PTPN4: variants seen among roughly 807,000 people sequenced by gnomAD.
The protein encoded by PTPN4 is protein tyrosine phosphatase non-receptor type 4.
In PTPN4, 49 loss-of-function variants were observed where a neutral mutation model predicts 135.5. That is an observed-to-expected ratio of 0.36 (90% CI 0.29 to 0.46). PTPN4 has a LOEUF of 0.46. PTPN4 is among the 20% of genes least tolerant of loss of function. The pLI is 1.00. For missense variants in PTPN4, 860 were observed against 1,101.0 expected, an observed-to-expected ratio of 0.78 and a Z score of 3.10; for synonymous variants, 333 against 369.9, an observed-to-expected ratio of 0.90 and a Z score of 1.14.
In PTPN4 at chr2:119,945,258, A is replaced by G. The variant is rs1040459245; in HGVS notation, c.1515+18A>G. Reference sequence around the variant, plus strand: ...AACCCACTGTAAGTAGCTTCTTCAGATATTCTCATTTTTATTTGAATTTTT... The same window carrying G: ...AACCCACTGTAAGTAGCTTCTTCAGGTATTCTCATTTTTATTTGAATTTTT... On this transcript the variant is annotated intron_variant, in intron 16 of 26. Transcript: ENST00000263708. The G allele has an allele frequency of 2.0e-6, 3 of 1,500,156 alleles. No individual in the cohort carries two copies. Among genetic ancestry groups the G allele is most frequent in the South Asian group, 1.4e-5 (1 of 73,576 alleles). The allele number at this position is 1,500,156 out of a possible 1,614,324, so 92.9% of individuals were successfully genotyped here.
rs774328803 is a variant in PTPN4 at position 119,862,524 on chromosome 2, T to G, written c.139-12T>G. 1 of 1,588,864 alleles carries G rather than the reference T, an allele frequency of 6.3e-7. No individual in the cohort carries two copies. Among genetic ancestry groups the G allele is most frequent in the South Asian group, 1.2e-5 (1 of 86,404 alleles). ...AAAGTTGATTTCATTCAATTTTTTT[T>G]TTTTTTTACAGAAACATGATCAGGG... On this transcript the variant is annotated splice_polypyrimidine_tract_variant and intron_variant, in intron 2 of 26. Coordinates refer to ENST00000263708, the MANE Select transcript of PTPN4 (RefSeq NM_002830.4).
intron 2 of PTPN4, among the ~76,000 whole-genome samples, chr2:119,819,257 T>C (rs1019785764): frequency 2.0e-5 from 3 of 152,188 alleles, no homozygotes; most frequent in Admixed American, 6.5e-5. Flanking sequence ...CATAGCCCTG[T>C]GTTGGTTGGT....
chr2:119,807,069 C>T (rs559976750), intron 1 of PTPN4, among the ~76,000 whole-genome samples: 7 of 152,044 alleles, frequency 4.6e-5, no homozygotes, highest in East Asian at 3.9e-4. Flanking sequence ...TCTGGGACAA[C>T]TTAAAGCAGT....
chr2:119,960,288 C>T (rs1035443001), intron 22 of PTPN4, among the ~76,000 whole-genome samples: 4 of 152,134 alleles, frequency 2.6e-5, no homozygotes, highest in Non-Finnish European at 5.9e-5. Context: ...ACTATCTTAC[C>T]TCTTTCTGAA....
chr2:119,952,241 A>C, intron 19 of PTPN4, 112 bp downstream of exon 19: 4 of 1,000,626 alleles, frequency 4.0e-6, no homozygotes, highest in Non-Finnish European at 5.7e-6. Flanking sequence ...TTTCCTGCTC[A>C]AAGCACAGTG....
chr2:119,798,957 C>T (rs1340200023), intron 1 of PTPN4, among the ~76,000 whole-genome samples: 10 of 152,134 alleles, frequency 6.6e-5, no homozygotes, highest in South Asian at 2.1e-4. Context: ...GTTGATATAT[C>T]GTTATGATTG....
intron 1 of PTPN4, among the ~76,000 whole-genome samples, chr2:119,800,704 A>G (rs1414650696): frequency 6.6e-6 from 1 of 152,170 alleles, no homozygotes; most frequent in Non-Finnish European, 1.5e-5. Flanking sequence ...TAGGTTTTAC[A>G]TTTAAATCTG....
intron 13 of PTPN4, among the ~76,000 whole-genome samples, chr2:119,927,629 A>G (rs1678845339): frequency 6.6e-6 from 1 of 152,218 alleles, no homozygotes; most frequent in Non-Finnish European, 1.5e-5. Context: ...AACGTTTTGT[A>G]GGCAGAACTA....
At chr2:119,936,112 C>T (rs1425630846) in intron 15 of PTPN4, among the ~76,000 whole-genome samples, 2 of 152,072 alleles carry the variant, frequency 1.3e-5, no homozygotes, top group Non-Finnish European at 2.9e-5. Context: ...ACGCCATTCT[C>T]CTGCCTCAAC....
At chr2:119,784,844 C>G (rs1434306216) in intron 1 of PTPN4, among the ~76,000 whole-genome samples, 2 of 151,786 alleles carry the variant, frequency 1.3e-5, no homozygotes, top group Non-Finnish European at 2.9e-5. Context: ...GGTCAGTCTT[C>G]TAACTCTTGA....
chr2:119,853,124 C>T (rs1406178700), intron 2 of PTPN4, among the ~76,000 whole-genome samples: 1 of 152,180 alleles, frequency 6.6e-6, no homozygotes, highest in Non-Finnish European at 1.5e-5. Context: ...CTAGAAATGT[C>T]AGTCAATCCT....
intron 1 of PTPN4, among the ~76,000 whole-genome samples, chr2:119,792,776 G>A (rs760309152): frequency 1.3e-5 from 2 of 152,172 alleles, no homozygotes; most frequent in East Asian, 1.9e-4. Context: ...AAAAGAGAGA[G>A]ATTTTAAAGC....
At chr2:119,865,705 A>AG (rs1677824458) in intron 3 of PTPN4, among the ~76,000 whole-genome samples, 1 of 152,046 alleles carries the variant, frequency 6.6e-6, no homozygotes, top group African/African-American at 2.4e-5. Flanking sequence ...TTAGCTCATA[A>AG]TTTTTAAATC....
At position 119,848,319 on chromosome 2, in the gene PTPN4, G is replaced by A. The variant is rs191546198; in HGVS notation, c.139-14217G>A. On this transcript the variant is annotated intron_variant, in intron 2 of 26. Transcript: ENST00000263708. Reference sequence around the variant, plus strand: ...CTCCCGAGTAACTGGGACTACAGGCGCCCACCACCATGCCCGGCTAATTTT... The same window carrying A: ...CTCCCGAGTAACTGGGACTACAGGCACCCACCACCATGCCCGGCTAATTTT... 9.8e-3 allele frequency among the ~76,000 whole-genome samples: 1,490 copies of A among 151,574 alleles called. 33 individuals are homozygous for A. Among genetic ancestry groups the A allele is most frequent in the Admixed American group, 0.052 (791 of 15,244 alleles).
intron 3 of PTPN4, among the ~76,000 whole-genome samples, chr2:119,872,493 C>T (rs1677927385): frequency 6.6e-6 from 1 of 152,138 alleles, no homozygotes; most frequent in South Asian, 2.1e-4. Context: ...AATACTTTCT[C>T]TTCCTGAAAT....
rs1441258764 is a variant in PTPN4, at chr2:119,983,744, T to G, written c.*6674T>G. On this transcript the variant is annotated 3_prime_UTR_variant, in exon 27 of 27. Coordinates refer to ENST00000263708, the MANE Select transcript of PTPN4 (RefSeq NM_002830.4). ...TTATTTGATGTTTAAGAGCAACTTG[T>G]GTGATCTTAGCTTTGCAGGTTTTCT... 1 of 152,230 alleles carries G rather than the reference T, an allele frequency of 6.6e-6. No individual in the cohort carries two copies. The allele number at this position is 152,230 out of a possible 1,614,324, so 9.4% of individuals were successfully genotyped here.
intron 1 of PTPN4, among the ~76,000 whole-genome samples, chr2:119,781,534 C>T (rs187592940): frequency 5.9e-5 from 9 of 152,234 alleles, no homozygotes; most frequent in Non-Finnish European, 1.0e-4. Context: ...TTATAAAGTT[C>T]GGAGTTTTTT....
At chr2:119,826,417 T>C (rs1258150037) in intron 2 of PTPN4, among the ~76,000 whole-genome samples, 1 of 152,196 alleles carries the variant, frequency 6.6e-6, no homozygotes, top group Non-Finnish European at 1.5e-5. Flanking sequence ...AACTATAAAC[T>C]CTAAAGGAAC....
chr2:119,811,713 A>G (rs1432331053), intron 2 of PTPN4, among the ~76,000 whole-genome samples: 1 of 152,070 alleles, frequency 6.6e-6, no homozygotes, highest in Non-Finnish European at 1.5e-5. Flanking sequence ...TTTCATTTTA[A>G]CTATAGTTTT....
Sources: gnomAD v4.1 joint callset for allele counts (sites outside exome capture counted in the v4.1 genomes callset) on GRCh38, gnomAD v4.1.1 for gene constraint, MANE v1.5 for transcripts, NCBI Gene and HGNC (gene_info 2026-07-23, HGNC 2026-07-21) for gene names.